The following KCNQ4 variants were observed in gnomAD, a reference collection of about 807,000 sequenced individuals.
The protein encoded by KCNQ4 is potassium voltage-gated channel subfamily KQT member 4.
A neutral mutation model predicts 72.6 loss-of-function variants in KCNQ4; 31 were observed. The ratio of observed to expected loss-of-function variants is 0.43; its 90% CI spans 0.32 to 0.58. KCNQ4 has a LOEUF of 0.58. Among genes scored for constraint, KCNQ4 ranks in the 20% least tolerant of loss-of-function variants. The pLI is 0.08. For missense variants in KCNQ4, 869 were observed against 962.6 expected (o/e 0.90, Z 1.29); for synonymous variants, 405 against 403.7 (o/e 1.00, Z -0.04).
chr1:40,823,560 G>A (rs569098522), intron 8 of KCNQ4, among the ~76,000 whole-genome samples: 2 of 152,320 alleles, frequency 1.3e-5, no homozygotes, highest in East Asian at 3.9e-4. Context: ...AAGGCAGGCA[G>A]GAGAGAGGGA....
chr1:40,812,916 G>A (rs1647969799), intron 1 of KCNQ4, among the ~76,000 whole-genome samples: 1 of 152,216 alleles, frequency 6.6e-6, no homozygotes, highest in African/African-American at 2.4e-5. Context: ...CGGTCAGTCA[G>A]AATAAGGGGC....
chr1:40,804,903 C>A (rs576226027), intron 1 of KCNQ4: 1 of 150,152 alleles, frequency 6.7e-6, no homozygotes, highest in Non-Finnish European at 1.5e-5. Flanking sequence ...GTGGGAGGAT[C>A]ATTTGAGCCC....
chr1:40,831,781 C>T (rs1243973277), intron 10 of KCNQ4, among the ~76,000 whole-genome samples: 1 of 152,212 alleles, frequency 6.6e-6, no homozygotes, highest in African/African-American at 2.4e-5. Flanking sequence ...ACTTTGGAAG[C>T]GGCAGGAATG....
chr1:40,819,561 G>T, intron 5 of KCNQ4, 89 bp downstream of exon 5: 1 of 1,550,742 alleles, frequency 6.4e-7, no homozygotes, highest in South Asian at 1.2e-5. Context: ...TCCTGACTCA[G>T]GGTTGAGCGG....
chr1:40,829,531 C>T (rs760674419), intron 9 of KCNQ4, among the ~76,000 whole-genome samples: 10 of 152,146 alleles, frequency 6.6e-5, no homozygotes, highest in East Asian at 1.9e-4. Flanking sequence ...CCCCTGGTTT[C>T]GAGGTCTCCC....
chr1:40,838,443 A>G lies in KCNQ4; in HGVS notation c.2008A>G (p.Ser670Gly), dbSNP rs1648877257. 1 of 1,614,104 alleles carries G rather than the reference A, an allele frequency of 6.2e-7. No homozygotes were observed. The highest frequency in any genetic ancestry group is 8.5e-7 in the Non-Finnish European group (1 of 1,179,972). Residue 670 changes from serine to glycine, a missense_variant, in exon 14 of 14, where the codon AGC becomes GGC. Physicochemically the swap from Ser to Gly is moderately conservative, Grantham distance 56. Coordinates refer to ENST00000347132, the MANE Select transcript of KCNQ4 (RefSeq NM_004700.4). ...FDPDITSDYH[S>G]PVDHEDISVS... Reference sequence around the variant, plus strand: ...CCCCGACATCACCTCCGACTACCACAGCCCTGTGGACCACGAGGACATCTC... The same window carrying G: ...CCCCGACATCACCTCCGACTACCACGGCCCTGTGGACCACGAGGACATCTC...
Position 40,788,880 on chromosome 1 carries a change from A to T in KCNQ4, c.314+4473A>T, listed in dbSNP as rs981251602. Among the ~76,000 whole-genome samples, 1 of 152,208 alleles carries T rather than the reference A, an allele frequency of 6.6e-6. No individual in the cohort carries two copies. The highest frequency in any genetic ancestry group is 1.5e-5 in the Non-Finnish European group (1 of 68,032). On this transcript the variant is annotated intron_variant, in intron 1 of 13. Transcript: ENST00000347132. This position sits in a 1 kb window ranked among gnomAD's most constrained non-coding sequence, Gnocchi z 4.5. ...ATGTCTCACACATGCACTCACTGCA[A>T]CATCGACACACATGCACAAACACAC...
chr1:40,823,972 G>T, intron 8 of KCNQ4, 125 bp from the exon 9 acceptor site: 1 of 1,097,222 alleles, frequency 9.1e-7, no homozygotes, highest in Non-Finnish European at 1.4e-6. Flanking sequence ...TTCTGGCCGG[G>T]CTGTCAGTGA....
chr1:40,831,029 C>A, intron 9 of KCNQ4, 55 bp from the exon 10 acceptor site: 1 of 1,477,484 alleles, frequency 6.8e-7, no homozygotes, highest in Non-Finnish European at 9.2e-7. Context: ...CCCCACTCAC[C>A]CCCACCCCCA....
At chr1:40,785,665 C>T (rs1371997003) in intron 1 of KCNQ4, among the ~76,000 whole-genome samples, 3 of 152,110 alleles carry the variant, frequency 2.0e-5, no homozygotes, top group Non-Finnish European at 4.4e-5. Flanking sequence ...TGTGCATCTG[C>T]CTATCCACCT....
chr1:40,831,950 C>T (rs1205639800), intron 10 of KCNQ4, among the ~76,000 whole-genome samples: 7 of 152,238 alleles, frequency 4.6e-5, no homozygotes, highest in Admixed American at 4.6e-4. Flanking sequence ...TCTCCTCAAG[C>T]AGGTCTATTC....
chr1:40,795,649 A>G (rs1216535868), intron 1 of KCNQ4, among the ~76,000 whole-genome samples: 5 of 151,906 alleles, frequency 3.3e-5, no homozygotes, highest in Non-Finnish European at 5.9e-5. Context: ...TTTCACTTGC[A>G]CTGCTTTGAG....
Position 40,809,028 on chromosome 1 carries a change from GA to G in KCNQ4, c.315-8236del, listed in dbSNP as rs1647848736. Among the ~76,000 whole-genome samples the G allele has an allele frequency of 1.5e-4, 23 of 152,210 alleles. No homozygotes were observed. The South Asian group carries it at 4.6e-3, about 30-fold the overall frequency. ...TGAGAGAAGGCTGCCCTTGCCAAGG[GA>G]CCCAGTGACCAATGTGTCACCAAAT... On this transcript the variant is annotated intron_variant, in intron 1 of 13. Transcript: ENST00000347132.
At chr1:40,822,197 C>T in intron 7 of KCNQ4, 117 bp from the exon 8 acceptor site, 1 of 853,948 alleles carries the variant, frequency 1.2e-6, no homozygotes, top group South Asian at 1.4e-5. Context: ...TGGAACTGGC[C>T]TCTGGCTCTG....
chr1:40,822,490 G>A, intron 8 of KCNQ4, 88 bp downstream of exon 8: 1 of 1,101,692 alleles, frequency 9.1e-7, no homozygotes, highest in East Asian at 2.6e-5. Flanking sequence ...CTGGAGGGTG[G>A]AAAGGGGGTG....
At chr1:40,815,372 C>T (rs1265175884) in intron 1 of KCNQ4, among the ~76,000 whole-genome samples, 1 of 152,116 alleles carries the variant, frequency 6.6e-6, no homozygotes, top group Non-Finnish European at 1.5e-5. Context: ...CTGTCAAGGC[C>T]GGGGTAAAGT....
intron 1 of KCNQ4, among the ~76,000 whole-genome samples, chr1:40,800,745 A>T (rs1316335320): frequency 6.6e-6 from 1 of 152,184 alleles, no homozygotes; most frequent in African/African-American, 2.4e-5. Context: ...CCCTAGAGGG[A>T]TGGATCTCAG....
intron 12 of KCNQ4, among the ~76,000 whole-genome samples, chr1:40,837,391 C>T (rs892755567): frequency 6.6e-6 from 1 of 152,262 alleles, no homozygotes; most frequent in Non-Finnish European, 1.5e-5. Context: ...CTGCGCTGGG[C>T]CTCCTAGTCC....
At position 40,794,549 on chromosome 1, in the gene KCNQ4, G is replaced by A. The variant is rs535971717; in HGVS notation, c.314+10142G>A. Among the ~76,000 whole-genome samples the A allele has an allele frequency of 1.1e-3, 172 of 152,304 alleles. No homozygotes were observed. Among genetic ancestry groups the A allele is most frequent in the Admixed American group, 2.8e-3 (43 of 15,298 alleles). On this transcript the variant is annotated intron_variant, in intron 1 of 13. Transcript: ENST00000347132. This position sits in a 1 kb window ranked among gnomAD's most constrained non-coding sequence, Gnocchi z 4.2. ...TCAGGGCCAAGCCCGAGCTCTAAATGGTTCTCAGCCTCGCCAGCTGACCCA... is the reference window on the plus strand; with the variant it reads ...TCAGGGCCAAGCCCGAGCTCTAAATAGTTCTCAGCCTCGCCAGCTGACCCA...
Sources: allele counts gnomAD v4.1 joint callset (sites outside exome capture counted in the v4.1 genomes callset), GRCh38; gene constraint gnomAD v4.1.1; non-coding constraint Gnocchi (gnomAD v3.1); transcripts MANE v1.5; gene names NCBI Gene and HGNC (gene_info 2026-07-23, HGNC 2026-07-21).